DISP2: variants seen among roughly 807,000 people sequenced by gnomAD.
DISP2 encodes the protein protein dispatched homolog 2.
A neutral mutation model predicts 95.5 loss-of-function variants in DISP2; 59 were observed. The ratio of observed to expected loss-of-function variants is 0.62; its 90% CI spans 0.50 to 0.77. The LOEUF (loss-of-function observed/expected upper bound fraction) is 0.77. DISP2 is among the 30% of genes least tolerant of loss of function. The pLI is 0.00. For synonymous variants in DISP2, 827 were observed against 815.0 expected, an observed-to-expected ratio of 1.01 and a Z score of -0.25; for missense variants, 1,752 against 1,854.6, an observed-to-expected ratio of 0.94 and a Z score of 1.02.
Position 40,368,704 on chromosome 15 carries a change from C to T in DISP2, c.2592C>T (p.Phe864=), listed in dbSNP as rs770592857. 1.2e-6 allele frequency: 2 copies of T among 1,613,032 alleles called. No individual in the cohort carries two copies. The highest frequency in any genetic ancestry group is 2.7e-5 in the African/African-American group (2 of 74,946). The part of the protein sequence containing the change: ...GPDLCCGHSD[F]PWAPQFFLHC... ...ACCTCTGCTGCGGCCACTCGGACTT[C>T]CCCTGGGCCCCCCAGTTTTTCCTGC... Residue 864 remains phenylalanine, a synonymous_variant, in exon 8 of 8, where the codon TTC becomes TTT. Coordinates refer to ENST00000267889, the MANE Select transcript of DISP2 (RefSeq NM_033510.3).
At position 40,367,177 on chromosome 15, in the gene DISP2, C is replaced by T; in HGVS notation, c.1065C>T (p.Asp355=). The change falls in exon 8 of 8, where the codon GAC becomes GAT. Residue 355 remains aspartate, a synonymous_variant. Coordinates refer to ENST00000267889, the MANE Select transcript of DISP2 (RefSeq NM_033510.3). ...AVLSNRSSCL[D]TTQADAARTL... is the part of the protein sequence containing the mutation. ...TCTCCAACCGCTCCTCCTGCCTGGA[C>T]ACTACCCAAGCTGACGCAGCCCGCA... 1 of 1,614,054 alleles carries T rather than the reference C, an allele frequency of 6.2e-7. No individual in the cohort carries two copies. The highest frequency in any genetic ancestry group is 1.1e-5 in the South Asian group (1 of 91,080).
chr15:40,364,890 C>G lies in DISP2; in HGVS notation c.656C>G (p.Ala219Gly). ...DIGSKLVVWR[A>G]LQALTGPRKL... is the part of the protein sequence containing the mutation. ...GGGAGCAAGTTAGTGGTCTGGAGAG[C>G]ACTACAAGCCCTCACAGGCCCCAGG... Residue 219 changes from alanine to glycine, a missense_variant, in exon 5 of 8, where the codon GCA becomes GGA. By Grantham distance (60) the Ala-to-Gly change is moderately conservative (BLOSUM62 0). Transcript: ENST00000267889. 1 of 1,614,148 alleles carries G rather than the reference C, an allele frequency of 6.2e-7. No individual in the cohort carries two copies. Among genetic ancestry groups the G allele is most frequent in the Non-Finnish European group, 8.5e-7 (1 of 1,180,010 alleles).
chr15:40,371,822 A>T lies in DISP2; in HGVS notation c.*1504A>T, dbSNP rs1889650533. The T allele has an allele frequency of 6.6e-6, 1 of 152,112 alleles. No individual in the cohort carries two copies. Among genetic ancestry groups the T allele is most frequent in the Non-Finnish European group, 1.5e-5 (1 of 68,010 alleles). 9.4% of individuals were successfully genotyped at this position (152,112 alleles called of 1,614,324 possible). The stretch of plus-strand genomic sequence containing the variant: ...AGGTGTGGAAGAAAAATTGAACACC[A>T]CCCTCAAAGAGCTCACCTTCTAGCT... On this transcript the variant is annotated 3_prime_UTR_variant, in exon 8 of 8. Coordinates refer to ENST00000267889, the MANE Select transcript of DISP2 (RefSeq NM_033510.3).
rs1378876819 is a variant in DISP2, at chr15:40,369,296, G to A, written c.3184G>A (p.Ala1062Thr). ...CTTCTCTCTGCGCCAGACCAGCTGC[G>A]CCACAGCCGTGGGGGCTGCAGCCCT... ...VAFSLRQTSC[A>T]TAVGAAALFA... Residue 1062 changes from alanine to threonine, a missense_variant, in exon 8 of 8, where the codon GCC becomes ACC. Physicochemically the swap from Ala to Thr is moderately conservative, Grantham distance 58. This residue lies in a region of DISP2 where 317 missense variants were observed against 394.9 expected (regional missense o/e 0.80). Transcript: ENST00000267889. 11 of 1,613,466 alleles carry A rather than the reference G, an allele frequency of 6.8e-6. No homozygotes were observed. The East Asian group carries it at 8.9e-5, about 13-fold the overall frequency.
rs1889445626 is a variant in DISP2 at position 40,363,777 on chromosome 15, C to G, written c.272C>G (p.Ala91Gly). Reference protein sequence around the residue: ...PVGPSSPLAPAHFTYPRALQE... With the variant: ...PVGPSSPLAPGHFTYPRALQE... Reference sequence around the variant, plus strand: ...GGTCCATCCAGCCCCTTGGCCCCTGCCCACTTCACCTATCCCCGGGCACTG... The same window carrying G: ...GGTCCATCCAGCCCCTTGGCCCCTGGCCACTTCACCTATCCCCGGGCACTG... The change falls in exon 2 of 8, where the codon GCC (alanine) becomes GGC (glycine). Residue 91 changes from alanine (A) to glycine (G), a missense_variant. Physicochemically the swap from Ala to Gly is moderately conservative, Grantham distance 60 (BLOSUM62 0). Coordinates refer to ENST00000267889, the MANE Select transcript of DISP2 (RefSeq NM_033510.3). 3.7e-6 allele frequency: 6 copies of G among 1,613,566 alleles called. No homozygotes were observed. The highest frequency in any genetic ancestry group is 5.1e-6 in the Non-Finnish European group (6 of 1,179,698).
Position 40,371,872 on chromosome 15 carries a change from C to G in DISP2, c.*1554C>G, listed in dbSNP as rs1291546470. ...TGGGGAGACAGCTTATGCACACATG[C>G]AGGCATCGGATGGCTCACGGACGGC... On this transcript the variant is annotated 3_prime_UTR_variant, in exon 8 of 8. Coordinates refer to ENST00000267889, the MANE Select transcript of DISP2 (RefSeq NM_033510.3). 6.6e-6 allele frequency: 1 copy of G among 152,178 alleles called. No individual in the cohort carries two copies. Among genetic ancestry groups the G allele is most frequent in the Non-Finnish European group, 1.5e-5 (1 of 68,040 alleles). 9.4% of individuals were successfully genotyped at this position (152,178 alleles called of 1,614,324 possible). A position where few individuals can be genotyped will look rare whatever the true frequency, so the allele number is the denominator to read the frequency against.
rs975099052 is a variant in DISP2, at chr15:40,369,959, T to A, written c.3847T>A (p.Cys1283Ser). The A allele has an allele frequency of 1.2e-6, 2 of 1,610,294 alleles. No individual in the cohort carries two copies. The highest frequency in any genetic ancestry group is 1.7e-6 in the Non-Finnish European group (2 of 1,178,250). The change falls in exon 8 of 8, where the codon TGT becomes AGT. Residue 1283 changes from cysteine (C) to serine (S), a missense_variant. Cys to Ser is a moderately radical substitution (Grantham distance 112). Coordinates refer to ENST00000267889, the MANE Select transcript of DISP2 (RefSeq NM_033510.3). ...AKAADPPDGF[C>S]SSASTLEGLS... is the part of the protein sequence containing the mutation. ...GGCTGCAGATCCTCCTGATGGCTTC[T>A]GTTCCTCAGCCAGCACCCTGGAGGG... is the stretch of plus-strand genomic sequence containing the variant.
In DISP2 at chr15:40,370,012, A is replaced by C. The variant is rs1462405121; in HGVS notation, c.3900A>C (p.Leu1300=). 6.2e-7 allele frequency: 1 copy of C among 1,614,040 alleles called. No homozygotes were observed. The highest frequency in any genetic ancestry group is 1.1e-5 in the South Asian group (1 of 91,088). ...TCAGCGTCTCTGATGAGACCTGCCTAAGCACCTCTGAGCCCAGTGCCCGTG... is the reference window on the plus strand; with the variant it reads ...TCAGCGTCTCTGATGAGACCTGCCTCAGCACCTCTGAGCCCAGTGCCCGTG... ...EGLSVSDETC[L]STSEPSARVP... is the part of the protein sequence containing the mutation. The change falls in exon 8 of 8, where the codon CTA becomes CTC. Residue 1300 remains leucine, a synonymous_variant. Transcript: ENST00000267889.
rs774620452 is a variant in DISP2, at chr15:40,367,627, G to A, written c.1515G>A (p.Leu505=). ...TTGCCATCTTCTTCGGCATGGCCCT[G>A]TACCTGCGCTCACTCTTCCTCACGC... ...ALVAIFFGMA[L]YLRSLFLTLM... The change falls in exon 8 of 8, where the codon CTG becomes CTA. Residue 505 remains leucine, a synonymous_variant. Coordinates refer to ENST00000267889, the MANE Select transcript of DISP2 (RefSeq NM_033510.3). 1 of 1,614,004 alleles carries A rather than the reference G, an allele frequency of 6.2e-7. No individual in the cohort carries two copies. The highest frequency in any genetic ancestry group is 1.1e-5 in the South Asian group (1 of 91,078).
chr15:40,359,825 C>G (rs758365693), intron 1 of DISP2, among the ~76,000 whole-genome samples: 1 of 152,242 alleles, frequency 6.6e-6, no homozygotes, highest in Non-Finnish European at 1.5e-5. Context: ...GGGATAGATA[C>G]ACAGTGAATA....
intron 7 of DISP2, 44 bp from the exon 8 acceptor site, chr15:40,367,014 C>T: frequency 6.3e-7 from 1 of 1,594,096 alleles, no homozygotes; most frequent in Admixed American, 1.7e-5. Flanking sequence ...AACCTGAGCC[C>T]TTGGGCTGCC....
chr15:40,360,182 G>A (rs1162189526), intron 1 of DISP2, among the ~76,000 whole-genome samples: 2 of 152,162 alleles, frequency 1.3e-5, no homozygotes, highest in African/African-American at 2.4e-5. Context: ...CTCACTTGGC[G>A]TACAGGCCTG....
chr15:40,367,200 G>T lies in DISP2; in HGVS notation c.1088G>T (p.Arg363Leu). The change falls in exon 8 of 8, where the codon CGC becomes CTC. Residue 363 changes from arginine to leucine, a missense_variant. Arg to Leu is a moderately radical substitution (Grantham distance 102). This residue lies in a region of DISP2 where 732 missense variants were observed against 714.6 expected (regional missense o/e 1.02). Transcript: ENST00000267889. ...GACACTACCCAAGCTGACGCAGCCCGCACACTGGCCCTGCTTCGGACCTGT... is the reference window on the plus strand; with the variant it reads ...GACACTACCCAAGCTGACGCAGCCCTCACACTGGCCCTGCTTCGGACCTGT... ...CLDTTQADAA[R>L]TLALLRTCAL... The T allele has an allele frequency of 6.2e-7, 1 of 1,613,974 alleles. No individual in the cohort carries two copies. Among genetic ancestry groups the T allele is most frequent in the Non-Finnish European group, 8.5e-7 (1 of 1,180,006 alleles).
chr15:40,365,764 C>T (rs201292299), intron 7 of DISP2, 39 bp downstream of exon 7: 168 of 1,598,550 alleles, frequency 1.1e-4, no homozygotes, highest in Non-Finnish European at 1.4e-4. Context: ...TTGGGGGGAA[C>T]TAAGGACATG....
At position 40,377,415 on chromosome 15, in the gene DISP2, A is replaced by T. The variant is rs568881572; in HGVS notation, c.*7097A>T. On this transcript the variant is annotated 3_prime_UTR_variant, in exon 8 of 8. Transcript: ENST00000267889. ...CAAGTTTATCCTCCTGCCTGAAACAACCAACCAAACAGTAAATACATGAAA... is the reference window on the plus strand; with the variant it reads ...CAAGTTTATCCTCCTGCCTGAAACATCCAACCAAACAGTAAATACATGAAA... The T allele has an allele frequency of 1.3e-5, 2 of 152,340 alleles. No individual in the cohort carries two copies. The highest frequency in any genetic ancestry group is 4.1e-4 in the South Asian group (2 of 4,822). 9.4% of individuals were successfully genotyped at this position (152,340 alleles called of 1,614,324 possible).
rs938902887 is a variant in DISP2, at chr15:40,368,423, C to T, written c.2311C>T (p.Pro771Ser). Residue 771 changes from proline (P) to serine (S), a missense_variant, in exon 8 of 8, where the codon CCC becomes TCC. Physicochemically the swap from Pro to Ser is moderately conservative, Grantham distance 74. Coordinates refer to ENST00000267889, the MANE Select transcript of DISP2 (RefSeq NM_033510.3). The stretch of plus-strand genomic sequence containing the variant: ...GCCGCAGGGCGAGGGCGGCCACATG[C>T]CCGTGGTTTTGGTGTGGGGCGTCCT... Reference protein sequence around the residue: ...QLPQGEGGHMPVVLVWGVLPV... With the variant: ...QLPQGEGGHMSVVLVWGVLPV... 6 of 1,609,268 alleles carry T rather than the reference C, an allele frequency of 3.7e-6. No individual in the cohort carries two copies. The highest frequency in any genetic ancestry group is 2.2e-5 in the South Asian group (2 of 91,086).
In DISP2 at chr15:40,371,042, C is replaced by T. The variant is rs184823425; in HGVS notation, c.*724C>T. Reference sequence around the variant, plus strand: ...CCTGTGTTAATAAACAGTAATAATCCTTTCCATCTCTGCACATTTTAGTCT... The same window carrying T: ...CCTGTGTTAATAAACAGTAATAATCTTTTCCATCTCTGCACATTTTAGTCT... On this transcript the variant is annotated 3_prime_UTR_variant, in exon 8 of 8. Transcript: ENST00000267889. 1 of 174,752 alleles carries T rather than the reference C, an allele frequency of 5.7e-6. No homozygotes were observed. The highest frequency in any genetic ancestry group is 1.2e-5 in the Non-Finnish European group (1 of 80,336). The allele number at this position is 174,752 out of a possible 1,614,324, so 10.8% of individuals were successfully genotyped here.
chr15:40,368,020 G>C lies in DISP2; in HGVS notation c.1908G>C (p.Trp636Cys). ...VLVHLALTLV[W>C]LPASAVLHER... ...TGCACCTGGCGCTCACGCTGGTCTG[G>C]CTGCCCGCCTCCGCCGTGCTCCACG... The change falls in exon 8 of 8, where the codon TGG becomes TGC. Residue 636 changes from tryptophan to cysteine, a missense_variant. Around this residue, in one of 5 missense-constraint regions of DISP2, gnomAD observed 732 missense variants for 714.6 expected, o/e 1.02. Coordinates refer to ENST00000267889, the MANE Select transcript of DISP2 (RefSeq NM_033510.3). The C allele has an allele frequency of 1.3e-6, 2 of 1,534,166 alleles. No homozygotes were observed. The highest frequency in any genetic ancestry group is 1.7e-6 in the Non-Finnish European group (2 of 1,146,150).
intron 4 of DISP2, 112 bp downstream of exon 4, chr15:40,364,656 G>T: frequency 6.6e-7 from 1 of 1,516,644 alleles, no homozygotes; most frequent in Non-Finnish European, 8.9e-7. Flanking sequence ...GGGTAGCCAT[G>T]GTAGGCTCTT....
Sources: allele counts gnomAD v4.1 joint callset (sites outside exome capture counted in the v4.1 genomes callset), GRCh38; gene constraint gnomAD v4.1.1; regional missense constraint gnomAD v4.1.1; transcripts MANE v1.5; gene names NCBI Gene and HGNC (gene_info 2026-07-23, HGNC 2026-07-21).